BBOF1: variants seen among roughly 807,000 people sequenced by gnomAD.
The protein encoded by BBOF1 is basal body-orientation factor 1.
Under a neutral mutation model 68.0 loss-of-function variants are expected in BBOF1, and 62 were observed. That is an observed-to-expected ratio of 0.91 (90% CI 0.74 to 1.13). The LOEUF (loss-of-function observed/expected upper bound fraction) is 1.13, where lower values mean the gene tolerates loss of function less well. BBOF1 is among the 50% of genes most tolerant of loss of function. The probability of loss-of-function intolerance (pLI) is 0.00; values close to 1 mark genes in which losing one functional copy is unlikely to be tolerated. For synonymous variants in BBOF1, 208 were observed against 198.8 expected, an observed-to-expected ratio of 1.05 and a Z score of -0.39; for missense variants, 534 against 600.1, an observed-to-expected ratio of 0.89 and a Z score of 1.15.
In BBOF1 at chr14:74,019,397, G is replaced by A. The variant is rs1284553361; in HGVS notation, c.-82G>A. On this transcript the variant is annotated 5_prime_UTR_variant, in exon 1 of 12. Transcript: ENST00000394009. ...GCGGGTGGGGCATTGCCAGCTCGGC[G>A]TCCCGGTTCCCTTGGAGACAGAGCT... 1.3e-6 allele frequency: 2 copies of A among 1,505,464 alleles called. No individual in the cohort carries two copies. The highest frequency in any genetic ancestry group is 2.7e-5 in the East Asian group (1 of 36,402). 93.3% of individuals were successfully genotyped at this position (1,505,464 alleles called of 1,614,324 possible).
intron 11 of BBOF1, among the ~76,000 whole-genome samples, chr14:74,062,569 C>T (rs1476601347): frequency 2.0e-5 from 3 of 152,120 alleles, no homozygotes; most frequent in Admixed American, 6.6e-5. Context: ...CCACTATACT[C>T]CAGCCTGGGT....
intron 2 of BBOF1, among the ~76,000 whole-genome samples, chr14:74,026,140 C>CAA (rs372178821): frequency 0.023 from 2,666 of 114,354 alleles, 73 homozygotes; most frequent in African/African-American, 0.07. Flanking sequence ...GACTCTGTCT[C>CAA]AAAAAAAAAA....
At chr14:74,046,246 T>A (rs2059946334) in intron 6 of BBOF1, 116 bp downstream of exon 6, 8 of 864,570 alleles carry the variant, frequency 9.3e-6, no homozygotes. Context: ...TGCTTCAAAT[T>A]TTCTGGTCTA....
At chr14:74,062,601 A>G (rs1019195671) in intron 11 of BBOF1, among the ~76,000 whole-genome samples, 4 of 152,162 alleles carry the variant, frequency 2.6e-5, no homozygotes, top group East Asian at 1.9e-4. Flanking sequence ...ATTCCATCAA[A>G]AAAACCCCAA....
At chr14:74,072,074 A>G (rs2060557404) in intron 9 of BBOF1, 1 of 1,562,458 alleles carries the variant, frequency 6.4e-7, no homozygotes, top group Non-Finnish European at 8.8e-7. Flanking sequence ...ATGCAGTACA[A>G]GGGAGAGAGT....
chr14:74,072,625 AC>A, intron 9 of BBOF1: 2 of 1,605,880 alleles, frequency 1.2e-6, no homozygotes, highest in South Asian at 1.1e-5. Flanking sequence ...AAAAAAACAA[AC>A]AAACAAACAA....
downstream of BBOF1, chr14:74,067,313 T>C: frequency 6.3e-7 from 1 of 1,578,548 alleles, no homozygotes; most frequent in Non-Finnish European, 8.7e-7. Flanking sequence ...CCAAGGCCAG[T>C]GACAGAACCC....
intron 8 of BBOF1, among the ~76,000 whole-genome samples, chr14:74,054,168 G>A (rs117129791): frequency 0.068 from 10,308 of 151,544 alleles, 546 homozygotes; most frequent in South Asian, 0.26. Context: ...GAACCACTGC[G>A]CGCAGCCTAA....
chr14:74,026,152 A>G (rs2059419818), intron 2 of BBOF1, among the ~76,000 whole-genome samples: 1 of 150,424 alleles, frequency 6.6e-6, no homozygotes, highest in African/African-American at 2.4e-5. Context: ...AAAAAAAAAA[A>G]AAGAGAGAGA....
chr14:74,024,412 T>C (rs1316781506), intron 2 of BBOF1, among the ~76,000 whole-genome samples: 1 of 152,158 alleles, frequency 6.6e-6, no homozygotes, highest in East Asian at 1.9e-4. Context: ...GCCATGGTCA[T>C]GTCACGGCAG....
chr14:74,047,929 G>A lies in BBOF1; in HGVS notation c.648-1G>A, dbSNP rs1344294708. ...GTTTTGAGATCTTATATCTATTTCA[G>A]GCAATTGAACGATGCTGGAAGAAAT... On this transcript the variant is annotated splice_acceptor_variant, in intron 6 of 11. Coordinates refer to ENST00000394009, the MANE Select transcript of BBOF1 (RefSeq NM_025057.3). LOFTEE classifies it high-confidence loss of function. The A allele has an allele frequency of 6.3e-7, 1 of 1,595,020 alleles. No individual in the cohort carries two copies. Among genetic ancestry groups the A allele is most frequent in the East Asian group, 2.2e-5 (1 of 44,708 alleles).
At chr14:74,071,208 A>G in intron 9 of BBOF1, 1 of 1,614,172 alleles carries the variant, frequency 6.2e-7, no homozygotes, top group Non-Finnish European at 8.5e-7. Context: ...CATGCTGTCC[A>G]TGGATGATGT....
intron 9 of BBOF1, among the ~76,000 whole-genome samples, chr14:74,073,957 A>G (rs1328450171): frequency 6.8e-6 from 1 of 147,440 alleles, no homozygotes; most frequent in Non-Finnish European, 1.5e-5. Flanking sequence ...GTTTCTATGT[A>G]TTTTTTTCTG....
chr14:74,036,390 A>G (rs768588735), intron 4 of BBOF1, among the ~76,000 whole-genome samples: 27 of 152,030 alleles, frequency 1.8e-4, no homozygotes, highest in Non-Finnish European at 5.9e-5. Context: ...GTCCTTCAAG[A>G]GTTGTCTTTC....
chr14:74,031,046 T>G lies in BBOF1; in HGVS notation c.351+1797T>G, dbSNP rs568062963. Among the ~76,000 whole-genome samples, 4 of 151,856 alleles carry G rather than the reference T, an allele frequency of 2.6e-5. No homozygotes were observed. In the South Asian group the frequency reaches 8.3e-4, roughly 32 times the overall value. ...AATATACATAAACCTGCACCTGCTT[T>G]TTTTATTTAACAGTATGCCTTGGTG... On this transcript the variant is annotated intron_variant, in intron 3 of 11. Transcript: ENST00000394009.
intron 4 of BBOF1, among the ~76,000 whole-genome samples, chr14:74,039,597 T>TTA (rs2059787018): frequency 1.3e-5 from 2 of 148,386 alleles, no homozygotes; most frequent in African/African-American, 4.9e-5. Context: ...CCTGGCTAAT[T>TTA]TTTTTTTTTT....
chr14:74,050,406 C>G (rs562918955), intron 8 of BBOF1, among the ~76,000 whole-genome samples: 1 of 152,262 alleles, frequency 6.6e-6, no homozygotes, highest in African/African-American at 2.4e-5. Context: ...GTATATTCCC[C>G]TCTGTCTCAT....
At chr14:74,078,145 T>C (rs2060633279) in intron 9 of BBOF1, 2 of 452,634 alleles carry the variant, frequency 4.4e-6, no homozygotes, top group South Asian at 1.6e-5. Context: ...CTCCCAATTC[T>C]ACTAATTCCT....
intron 4 of BBOF1, among the ~76,000 whole-genome samples, chr14:74,039,819 C>G (rs796174035): frequency 6.6e-6 from 1 of 152,044 alleles, no homozygotes; most frequent in South Asian, 2.1e-4. Context: ...GTGGTGTGTG[C>G]TGCCTACTTA....
Sources: gnomAD v4.1 joint callset for allele counts (sites outside exome capture counted in the v4.1 genomes callset) on GRCh38, gnomAD v4.1.1 for gene constraint, MANE v1.5 for transcripts, NCBI Gene and HGNC (gene_info 2026-07-23, HGNC 2026-07-21) for gene names.